The following TXLNA variants were observed in gnomAD, a reference collection of about 807,000 sequenced individuals.
The protein encoded by TXLNA is taxilin alpha.
In TXLNA, 9 loss-of-function variants were observed where a neutral mutation model predicts 61.4. That is an observed-to-expected ratio of 0.15 (90% confidence interval 0.09 to 0.26). The LOEUF (loss-of-function observed/expected upper bound fraction) is 0.26, where lower values mean the gene tolerates loss of function less well. Ranked by LOEUF, TXLNA falls within the 10% of genes least tolerant of loss-of-function variation. TXLNA has a pLI of 1.00. For synonymous variants in TXLNA, 257 were observed against 267.7 expected, an observed-to-expected ratio of 0.96 and a Z score of 0.39; for missense variants, 565 against 688.8, an observed-to-expected ratio of 0.82 and a Z score of 2.01.
At chr1:32,193,064 A>G in intron 8 of TXLNA, 144 bp from the exon 9 acceptor site, 2 of 645,588 alleles carry the variant, frequency 3.1e-6, no homozygotes, top group South Asian at 3.7e-5. Flanking sequence ...TATCCTTCCA[A>G]ATATATAGCT....
At position 32,195,148 on chromosome 1, in the gene TXLNA, G is replaced by C. The variant is rs1217578449; in HGVS notation, c.1594G>C (p.Ala532Pro). 1.9e-6 allele frequency: 3 copies of C among 1,613,336 alleles called. No individual in the cohort carries two copies. Among genetic ancestry groups the C allele is most frequent in the Non-Finnish European group, 2.5e-6 (3 of 1,179,626 alleles). Residue 532 changes from alanine to proline, a missense_variant, in exon 11 of 11, where the codon GCA becomes CCA. Coordinates refer to ENST00000373610, the MANE Select transcript of TXLNA (RefSeq NM_175852.4). Reference protein sequence around the residue: ...PCYPGAPSTEASGQTGPQEPT... With the variant: ...PCYPGAPSTEPSGQTGPQEPT... ...CTACCCAGGAGCACCGAGCACAGAA[G>C]CATCAGGCCAGACTGGGCCTCAAGA...
chr1:32,186,641 T>C (rs559372273), intron 4 of TXLNA, among the ~76,000 whole-genome samples: 13 of 152,170 alleles, frequency 8.5e-5, no homozygotes, highest in African/African-American at 2.9e-4. Flanking sequence ...GGAAGGATGG[T>C]TGAGTCAATG....
intron 3 of TXLNA, among the ~76,000 whole-genome samples, chr1:32,183,131 C>T (rs1051475330): frequency 6.6e-6 from 1 of 151,848 alleles, no homozygotes. Context: ...CTTCACCCCC[C>T]ACCCCCAACT....
rs1642608009 is a variant in TXLNA, at chr1:32,179,763, A to C, written c.-46A>C. The C allele has an allele frequency of 6.6e-6, 1 of 152,532 alleles. No individual in the cohort carries two copies. The highest frequency in any genetic ancestry group is 1.9e-4 in the East Asian group (1 of 5,208). 9.4% of individuals were successfully genotyped at this position (152,532 alleles called of 1,614,324 possible). ...AGGCCAGAGGTGGGGAAGCCATCGG[A>C]CGTCGGCGGTGAGGTACGTGCAGCG... On this transcript the variant is annotated 5_prime_UTR_variant, in exon 1 of 11. Transcript: ENST00000373610.
In TXLNA at chr1:32,181,354, C is replaced by T. The variant is rs147492060; in HGVS notation, c.282C>T (p.Gly94=). Reference sequence around the variant, plus strand: ...ACTGTGTGGACAATAACCAGGGGGGCCCCGGCGAGGATGGGGCACAGGGTG... The same window carrying T: ...ACTGTGTGGACAATAACCAGGGGGGTCCCGGCGAGGATGGGGCACAGGGTG... ...STYCVDNNQG[G]PGEDGAQGEP... The change falls in exon 3 of 11, where the codon GGC becomes GGT. Residue 94 remains glycine, a synonymous_variant. Coordinates refer to ENST00000373610, the MANE Select transcript of TXLNA (RefSeq NM_175852.4). 3.9e-5 allele frequency: 63 copies of T among 1,614,142 alleles called. No individual in the cohort carries two copies. The African/African-American group carries it at 6.4e-4, about 16-fold the overall frequency.
chr1:32,181,626 G>C, intron 3 of TXLNA, 49 bp downstream of exon 3: 1 of 1,442,518 alleles, frequency 6.9e-7, no homozygotes, highest in Admixed American at 2.6e-5. Context: ...AGGGAGTTTG[G>C]ACTTGACGTT....
chr1:32,188,271 A>G, intron 5 of TXLNA, 147 bp downstream of exon 5: 3 of 789,392 alleles, frequency 3.8e-6, no homozygotes, highest in Admixed American at 6.1e-5. Context: ...TCTGGCCACT[A>G]AAAAACAGAA....
At position 32,192,770 on chromosome 1, in the gene TXLNA, C is replaced by T. The variant is rs1642935141; in HGVS notation, c.1158+39C>T. On this transcript the variant is annotated intron_variant, in intron 8 of 10. Transcript: ENST00000373610. The surrounding 1 kb of genome is among the most constrained non-coding windows in gnomAD (Gnocchi z 4.2). The stretch of plus-strand genomic sequence containing the variant: ...ACCTGACCCTGTGCCTTCAAGTTTC[C>T]CTCACTGGGCCCCATCCTGGGGGTA... 3 of 1,604,598 alleles carry T rather than the reference C, an allele frequency of 1.9e-6. No individual in the cohort carries two copies. The highest frequency in any genetic ancestry group is 2.6e-6 in the Non-Finnish European group (3 of 1,171,444).
At chr1:32,181,610 G>A (rs749369278) in intron 3 of TXLNA, 33 bp downstream of exon 3, 4 of 1,480,936 alleles carry the variant, frequency 2.7e-6, no homozygotes, top group Non-Finnish European at 3.6e-6. Context: ...TGAAGCTGGT[G>A]AGGAGAGGGA....
chr1:32,181,233 C>T lies in TXLNA; in HGVS notation c.170-9C>T, dbSNP rs1392863873. On this transcript the variant is annotated splice_polypyrimidine_tract_variant and intron_variant, in intron 2 of 10. Transcript: ENST00000373610. ...TTCTCACTCTACCCCTCATCCTCTC[C>T]TGCTGTAGGGGCTCAAGCCAGAACG... is the stretch of plus-strand genomic sequence containing the variant. 9 of 1,551,846 alleles carry T rather than the reference C, an allele frequency of 5.8e-6. No individual in the cohort carries two copies. The highest frequency in any genetic ancestry group is 7.0e-6 in the Non-Finnish European group (8 of 1,145,518).
At chr1:32,188,164 T>C (rs748466191) in intron 5 of TXLNA, 40 bp downstream of exon 5, 5 of 1,511,258 alleles carry the variant, frequency 3.3e-6, no homozygotes, top group Non-Finnish European at 2.7e-6. Flanking sequence ...TCTGGTTTCC[T>C]TGACTTCCAC....
rs1002956364 is a variant in TXLNA at position 32,196,766 on chromosome 1, C to T, written c.*1571C>T. 2.6e-5 allele frequency: 4 copies of T among 152,252 alleles called. No homozygotes were observed. Among genetic ancestry groups the T allele is most frequent in the African/African-American group, 9.7e-5 (4 of 41,450 alleles). The allele number at this position is 152,252 out of a possible 1,614,324, so 9.4% of individuals were successfully genotyped here. ...CCTGCAGGTCCCTTCATCTTCCATA[C>T]CTAGCCCACTCTTTTAGCCCTTACC... On this transcript the variant is annotated 3_prime_UTR_variant, in exon 11 of 11. Transcript: ENST00000373610.
intron 3 of TXLNA, among the ~76,000 whole-genome samples, chr1:32,182,568 A>C (rs1642688615): frequency 6.6e-6 from 1 of 151,860 alleles, no homozygotes; most frequent in African/African-American, 2.4e-5. Context: ...AGGCTGAGGC[A>C]GGAGAATGGC....
chr1:32,185,431 C>T (rs1162726172), intron 4 of TXLNA, among the ~76,000 whole-genome samples: 1 of 152,016 alleles, frequency 6.6e-6, no homozygotes, highest in Non-Finnish European at 1.5e-5. Flanking sequence ...CTTGCTCTGT[C>T]GCCCAGGCTG....
At position 32,198,042 on chromosome 1, in the gene TXLNA, C is replaced by G. The variant is rs1643062703; in HGVS notation, c.*2847C>G. 6.6e-6 allele frequency: 1 copy of G among 152,408 alleles called. No homozygotes were observed. Among genetic ancestry groups the G allele is most frequent in the Non-Finnish European group, 1.5e-5 (1 of 68,192 alleles). 9.4% of individuals were successfully genotyped at this position (152,408 alleles called of 1,614,324 possible). On this transcript the variant is annotated 3_prime_UTR_variant, in exon 11 of 11. Transcript: ENST00000373610. ...TTCTCCAGCTGCTGCCCCAGCCTTT[C>G]CGCCTTGCACAGCACAGAGGTGGTC...
rs567411587 is a variant in TXLNA at position 32,183,495 on chromosome 1, C to T, written c.506-1030C>T. Among the ~76,000 whole-genome samples, 953 of 117,402 alleles carry T rather than the reference C, an allele frequency of 8.1e-3. 3 individuals carry two copies. The highest frequency in any genetic ancestry group is 0.013 in the Non-Finnish European group (787 of 58,796). The allele number at this position is 117,402 out of a possible 152,430, so 77.0% of individuals were successfully genotyped here. A position where few individuals can be genotyped will look rare whatever the true frequency, so the allele number is the denominator to read the frequency against. ...AGGTTGGAGTGCAGTGGCGCGATCT[C>T]GGCTCACTGCAAGCTCCACCTCCTG... On this transcript the variant is annotated intron_variant, in intron 3 of 10. Coordinates refer to ENST00000373610, the MANE Select transcript of TXLNA (RefSeq NM_175852.4).
chr1:32,189,264 C>G (rs1299575050), intron 5 of TXLNA, among the ~76,000 whole-genome samples: 1 of 152,154 alleles, frequency 6.6e-6, no homozygotes, highest in East Asian at 1.9e-4. Flanking sequence ...GGCTAGGTCA[C>G]AGTATATGCA....
At chr1:32,180,589 C>T (rs1282461287) in intron 2 of TXLNA, 75 bp downstream of exon 2, 4 of 1,484,708 alleles carry the variant, frequency 2.7e-6, no homozygotes, top group South Asian at 2.7e-5. Context: ...GACTTACAGG[C>T]CGAGGCCAGG....
chr1:32,189,702 G>A lies in TXLNA; in HGVS notation c.769-353G>A, dbSNP rs113702389. Reference sequence around the variant, plus strand: ...TGGGACCACAGGTGCACACCATCACGCCGGCTAATTTTTGTATTTTAGTAG... The same window carrying A: ...TGGGACCACAGGTGCACACCATCACACCGGCTAATTTTTGTATTTTAGTAG... On this transcript the variant is annotated intron_variant, in intron 5 of 10. Coordinates refer to ENST00000373610, the MANE Select transcript of TXLNA (RefSeq NM_175852.4). Among the ~76,000 whole-genome samples, 42 of 152,048 alleles carry A rather than the reference G, an allele frequency of 2.8e-4. 1 individual carries two copies. The highest frequency in any genetic ancestry group is 9.6e-4 in the African/African-American group (40 of 41,462).
Sources: allele counts gnomAD v4.1 joint callset (sites outside exome capture counted in the v4.1 genomes callset), GRCh38; gene constraint gnomAD v4.1.1; non-coding constraint Gnocchi (gnomAD v3.1); transcripts MANE v1.5; gene names NCBI Gene and HGNC (gene_info 2026-07-23, HGNC 2026-07-21).